The following RIMS2 variants were observed in gnomAD, a reference collection of about 807,000 sequenced individuals.
The protein encoded by RIMS2 is regulating synaptic membrane exocytosis 2.
RIMS2 carries 59 observed loss-of-function variants against 174.4 expected under a neutral mutation model. The observed-to-expected ratio is 0.34, with a 90% confidence interval of 0.27 to 0.42. The LOEUF is 0.42. Among genes scored for constraint, RIMS2 ranks in the 10% least tolerant of loss-of-function variants. RIMS2 has a pLI of 1.00. For missense variants in RIMS2, 1,620 were observed against 1,666.3 expected (o/e 0.97, Z 0.48); for synonymous variants, 606 against 572.5 (o/e 1.06, Z -0.84).
intron 3 of RIMS2, among the ~76,000 whole-genome samples, chr8:103,791,082 A>T (rs922673958): frequency 6.6e-6 from 1 of 152,182 alleles, no homozygotes; most frequent in African/African-American, 2.4e-5. Flanking sequence ...GCCACAAAAG[A>T]TACTCCTCGA....
At chr8:103,531,302 T>C (rs76953073) in intron 1 of RIMS2, among the ~76,000 whole-genome samples, 1,768 of 152,244 alleles carry the variant, frequency 0.012, 48 homozygotes, top group African/African-American at 0.041. Flanking sequence ...GATTGAAATA[T>C]ACAGACTGCA....
chr8:103,511,863 A>C (rs970778374), intron 1 of RIMS2, among the ~76,000 whole-genome samples: 1 of 152,154 alleles, frequency 6.6e-6, no homozygotes, highest in Non-Finnish European at 1.5e-5. Context: ...AGTACCTATG[A>C]CAGAAACAAA....
In RIMS2 at chr8:104,249,478, T is replaced by G. The variant is rs759864862; in HGVS notation, c.3590-9T>G. 2 of 1,499,404 alleles carry G rather than the reference T, an allele frequency of 1.3e-6. No individual in the cohort carries two copies. The highest frequency in any genetic ancestry group is 3.3e-5 in the Admixed American group (2 of 59,738). 92.9% of individuals were successfully genotyped at this position (1,499,404 alleles called of 1,614,324 possible). A position where few individuals can be genotyped will look rare whatever the true frequency, so the allele number is the denominator to read the frequency against. ...TTAAAGCACATTTGTTCCTTCCTTCTTCCATTAGGTGACATTCAGGTAGGA... is the reference window on the plus strand; with the variant it reads ...TTAAAGCACATTTGTTCCTTCCTTCGTCCATTAGGTGACATTCAGGTAGGA... On this transcript the variant is annotated splice_polypyrimidine_tract_variant and intron_variant, in intron 21 of 23. Transcript: ENST00000504942.
intron 3 of RIMS2, among the ~76,000 whole-genome samples, chr8:103,827,332 T>C (rs1002311698): frequency 6.6e-6 from 1 of 152,240 alleles, no homozygotes; most frequent in Admixed American, 6.5e-5. Flanking sequence ...TTTAACCTTT[T>C]CAAATTCACT....
intron 1 of RIMS2, among the ~76,000 whole-genome samples, chr8:103,605,383 G>A (rs1256407527): frequency 7.1e-6 from 1 of 140,170 alleles, no homozygotes; most frequent in African/African-American, 2.8e-5. Context: ...TTTTTGATGT[G>A]CTGCTGGATT....
chr8:103,791,964 T>C (rs1161859815), intron 3 of RIMS2, among the ~76,000 whole-genome samples: 1 of 151,944 alleles, frequency 6.6e-6, no homozygotes, highest in East Asian at 1.9e-4. Context: ...TCCCACACAA[T>C]AATAATGGGA....
intron 1 of RIMS2, among the ~76,000 whole-genome samples, chr8:103,608,370 C>G (rs1464310651): frequency 7.0e-6 from 1 of 143,690 alleles, no homozygotes; most frequent in South Asian, 2.1e-4. Context: ...CAGCTGCGTA[C>G]TGGGAGAACC....
At chr8:103,935,076 T>C (rs1259914917) in intron 12 of RIMS2, among the ~76,000 whole-genome samples, 1 of 152,196 alleles carries the variant, frequency 6.6e-6, no homozygotes, top group Non-Finnish European at 1.5e-5. Context: ...AACTTTATCT[T>C]TTGACAGGGT....
intron 1 of RIMS2, among the ~76,000 whole-genome samples, chr8:103,672,718 T>A (rs1356156763): frequency 2.0e-5 from 3 of 152,134 alleles, no homozygotes; most frequent in African/African-American, 7.2e-5. Flanking sequence ...CAATTCTACA[T>A]GAGATTTGGG....
At chr8:104,008,509 G>A (rs1169369008) in intron 17 of RIMS2, among the ~76,000 whole-genome samples, 3 of 150,712 alleles carry the variant, frequency 2.0e-5, no homozygotes, top group Non-Finnish European at 4.4e-5. Context: ...GTGTGTGTGT[G>A]TTTAATAATA....
chr8:103,907,657 A>C lies in RIMS2; in HGVS notation c.1625-2477A>C, dbSNP rs1247554786. 2.0e-5 allele frequency among the ~76,000 whole-genome samples: 3 copies of C among 151,830 alleles called. No homozygotes were observed. The East Asian group carries it at 5.8e-4, about 29-fold the overall frequency. ...ACCCTCTATTTCTAAATGATCTCAC[A>C]TACTCCTGTCTATATGTTAATTATT... On this transcript the variant is annotated intron_variant, in intron 4 of 23. Coordinates refer to ENST00000504942, the Ensembl canonical transcript of RIMS2.
intron 1 of RIMS2, among the ~76,000 whole-genome samples, chr8:103,571,750 T>A (rs1375028457): frequency 6.6e-6 from 1 of 152,192 alleles, no homozygotes; most frequent in Admixed American, 6.5e-5. Context: ...GAAAGTCCAA[T>A]AGGTAACTGG....
At chr8:104,099,530 A>G (rs550681397) in intron 19 of RIMS2, among the ~76,000 whole-genome samples, 46 of 152,292 alleles carry the variant, frequency 3.0e-4, no homozygotes, top group African/African-American at 1.1e-3. Context: ...GTGATTCTGC[A>G]TTTTTAAAAC....
chr8:103,643,869 A>G (rs1489315300), intron 1 of RIMS2, among the ~76,000 whole-genome samples: 1 of 151,858 alleles, frequency 6.6e-6, no homozygotes, highest in Non-Finnish European at 1.5e-5. Context: ...GGTATTTTCC[A>G]TTTTCTACAT....
At chr8:104,049,768 C>T (rs2096755466) in intron 19 of RIMS2, among the ~76,000 whole-genome samples, 1 of 152,054 alleles carries the variant, frequency 6.6e-6, no homozygotes, top group Non-Finnish European at 1.5e-5. Flanking sequence ...AAGGAAAACA[C>T]ACAAAAAGAC....
chr8:104,250,202 G>A (rs921331754), intron 22 of RIMS2, among the ~76,000 whole-genome samples: 12 of 150,156 alleles, frequency 8.0e-5, no homozygotes, highest in African/African-American at 2.7e-4. Flanking sequence ...TTGATAAGAT[G>A]TATAAAACAA....
chr8:104,221,726 G>GGAACT (rs1563835751), intron 19 of RIMS2, among the ~76,000 whole-genome samples: 1 of 152,108 alleles, frequency 6.6e-6, no homozygotes, highest in East Asian at 1.9e-4. Flanking sequence ...TTCTTACCAT[G>GGAACT]GAACTCTTAT....
chr8:103,918,551 A>AT, intron 9 of RIMS2, 64 bp downstream of exon 12: 11 of 1,063,562 alleles, frequency 1.0e-5, no homozygotes, highest in Non-Finnish European at 1.6e-5. Flanking sequence ...GATCAGATGA[A>AT]GTATTTAACT....
chr8:103,647,500 A>C (rs957438350), intron 1 of RIMS2, among the ~76,000 whole-genome samples: 1 of 152,112 alleles, frequency 6.6e-6, no homozygotes, highest in East Asian at 1.9e-4. Flanking sequence ...GTAGAATGGT[A>C]CCAGCTTTTA....
Sources: gnomAD v4.1 joint callset for allele counts (sites outside exome capture counted in the v4.1 genomes callset) on GRCh38, gnomAD v4.1.1 for gene constraint, MANE v1.5 for transcripts, NCBI Gene and HGNC (gene_info 2026-07-23, HGNC 2026-07-21) for gene names.